Variants in GRK5 observed in about 807,000 individuals in gnomAD.
GRK5 encodes G protein-coupled receptor kinase 5.
A neutral mutation model predicts 78.4 loss-of-function variants in GRK5; 40 were observed. The ratio of observed to expected loss-of-function variants is 0.51; its 90% CI spans 0.40 to 0.66. The LOEUF (loss-of-function observed/expected upper bound fraction) is 0.66, where lower values mean the gene tolerates loss of function less well. Ranked by LOEUF, GRK5 falls within the 30% of genes least tolerant of loss-of-function variation. The pLI, the probability that GRK5 is intolerant of heterozygous loss-of-function variation, is 0.00. For missense variants in GRK5, 598 were observed against 759.9 expected, an observed-to-expected ratio of 0.79 and a Z score of 2.50; for synonymous variants, 289 against 296.8, an observed-to-expected ratio of 0.97 and a Z score of 0.27.
intron 9 of GRK5, among the ~76,000 whole-genome samples, chr10:119,438,633 T>G (rs1265373026): frequency 1.3e-5 from 2 of 152,158 alleles, no homozygotes; most frequent in Non-Finnish European, 1.5e-5. Flanking sequence ...CCAGCTCGTC[T>G]TCTTCCGGGG....
At position 119,431,441 on chromosome 10, in the gene GRK5, GAGA is replaced by G. The variant is rs1229097798; in HGVS notation, c.659_661del (p.Lys220del). 2 of 1,613,948 alleles carry G rather than the reference GAGA, an allele frequency of 1.2e-6. No homozygotes were observed. Among genetic ancestry groups the G allele is most frequent in the Non-Finnish European group, 8.5e-7 (1 of 1,179,964 alleles). On this transcript the variant is annotated inframe_deletion, in exon 8 of 16. Coordinates refer to ENST00000392870, the MANE Select transcript of GRK5 (RefSeq NM_005308.3). This position sits in a 1 kb window ranked among gnomAD's most constrained non-coding sequence, Gnocchi z 4.8. ...TAAAATGTATGCCTGCAAGCGCTTGGAGAAGAAGAGGATCAAAAAGAGGAAAGG... is the reference window on the plus strand; with the variant it reads ...TAAAATGTATGCCTGCAAGCGCTTGGAGAAGAGGATCAAAAAGAGGAAAGG...
Position 119,207,891 on chromosome 10 carries a change from G to T in GRK5, c.-27G>T, listed in dbSNP as rs961546492. 1 of 1,587,060 alleles carries T rather than the reference G, an allele frequency of 6.3e-7. No homozygotes were observed. The highest frequency in any genetic ancestry group is 8.6e-7 in the Non-Finnish European group (1 of 1,169,048). On this transcript the variant is annotated 5_prime_UTR_variant, in exon 1 of 16. Transcript: ENST00000392870. ...CCAGGCGCTGACAGCCCCGCCGGCC[G>T]GCTCCGTTGCTGACCGCCGACTGTC...
At chr10:119,318,913 A>G (rs1411321698) in intron 1 of GRK5, among the ~76,000 whole-genome samples, 2 of 152,034 alleles carry the variant, frequency 1.3e-5, no homozygotes, top group Non-Finnish European at 2.9e-5. Context: ...TTTGGGTGGA[A>G]TGATACCGTT....
At chr10:119,337,324 G>A (rs10787955) in intron 2 of GRK5, among the ~76,000 whole-genome samples, 113,571 of 151,968 alleles carry the variant, frequency 0.75, 44,778 homozygotes, top group Middle Eastern at 0.87. Flanking sequence ...CCCCTACTGC[G>A]TTAGTTTTTC....
intron 3 of GRK5, among the ~76,000 whole-genome samples, chr10:119,393,462 A>C (rs1008281856): frequency 6.6e-6 from 1 of 152,238 alleles, no homozygotes; most frequent in Non-Finnish European, 1.5e-5. Context: ...CATTTGGTTA[A>C]ATAGAGCCAC....
chr10:119,223,479 G>A (rs1848688690), intron 1 of GRK5, among the ~76,000 whole-genome samples: 1 of 151,978 alleles, frequency 6.6e-6, no homozygotes, highest in Non-Finnish European at 1.5e-5. Context: ...ACCAGGCGTG[G>A]GAACTGCTGC....
chr10:119,345,037 C>G lies in GRK5; in HGVS notation c.148+18426C>G, dbSNP rs553872756. On this transcript the variant is annotated intron_variant, in intron 2 of 15. Coordinates refer to ENST00000392870, the MANE Select transcript of GRK5 (RefSeq NM_005308.3). ...AGGCTGGAGTGCAGTGGCGCCATCT[C>G]GGCTCACTGCAACCTCCACCTCCTG... Among the ~76,000 whole-genome samples, 97 of 150,906 alleles carry G rather than the reference C, an allele frequency of 6.4e-4. 2 individuals carry two copies. Among genetic ancestry groups the G allele is most frequent in the African/African-American group, 2.3e-3 (95 of 41,162 alleles).
At chr10:119,325,062 C>T (rs115460523) in intron 1 of GRK5, among the ~76,000 whole-genome samples, 2,060 of 152,328 alleles carry the variant, frequency 0.014, 30 homozygotes, top group African/African-American at 0.039. Context: ...AGCACTCTCT[C>T]CTGCTTCCTG....
chr10:119,215,675 CCT>C (rs981521700), intron 1 of GRK5, among the ~76,000 whole-genome samples: 1 of 151,996 alleles, frequency 6.6e-6, no homozygotes, highest in African/African-American at 2.4e-5. Flanking sequence ...TCCCCCACCC[CCT>C]TTTTCAATAT....
chr10:119,439,413 T>C (rs1046077262), intron 9 of GRK5, among the ~76,000 whole-genome samples: 1 of 152,234 alleles, frequency 6.6e-6, no homozygotes, highest in Non-Finnish European at 1.5e-5. Context: ...CAGGGTCTTC[T>C]CAGCCTTGGA....
chr10:119,307,694 T>C (rs1850294954), intron 1 of GRK5, among the ~76,000 whole-genome samples: 1 of 152,152 alleles, frequency 6.6e-6, no homozygotes, highest in Non-Finnish European at 1.5e-5. Flanking sequence ...TCTATAGCAC[T>C]CCATTTGTGC....
chr10:119,209,597 A>G (rs1848452168), intron 1 of GRK5, among the ~76,000 whole-genome samples: 1 of 141,722 alleles, frequency 7.1e-6, no homozygotes, highest in African/African-American at 2.6e-5. Context: ...CCTGAAAGGG[A>G]GGAAGCAGAG....
chr10:119,214,253 G>A (rs897445011), intron 1 of GRK5, among the ~76,000 whole-genome samples: 1 of 152,174 alleles, frequency 6.6e-6, no homozygotes, highest in Non-Finnish European at 1.5e-5. Context: ...GGGATTACAG[G>A]CATGAGCCAC....
intron 6 of GRK5, among the ~76,000 whole-genome samples, chr10:119,426,544 T>C (rs1852680011): frequency 6.6e-6 from 1 of 152,214 alleles, no homozygotes; most frequent in Admixed American, 6.5e-5. Context: ...GTGCCTGCAT[T>C]GTGGGCTTGG....
chr10:119,286,733 T>C (rs900501331), intron 1 of GRK5, among the ~76,000 whole-genome samples: 1 of 152,246 alleles, frequency 6.6e-6, no homozygotes, highest in African/African-American at 2.4e-5. Flanking sequence ...AGCGGTCACT[T>C]TGGGGCTGGT....
At chr10:119,423,105 A>T (rs1852602277) in intron 4 of GRK5, 61 bp from the exon 5 acceptor site, 1 of 1,177,176 alleles carries the variant, frequency 8.5e-7, no homozygotes, top group African/African-American at 1.5e-5. Flanking sequence ...ACCTGTGGGC[A>T]AACCCGGCCG....
intron 1 of GRK5, among the ~76,000 whole-genome samples, chr10:119,263,522 G>T (rs1849444676): frequency 6.6e-6 from 1 of 152,180 alleles, no homozygotes; most frequent in South Asian, 2.1e-4. Flanking sequence ...TGGCTTTTCT[G>T]AGTTAAATGT....
At chr10:119,338,608 A>G (rs1850933279) in intron 2 of GRK5, among the ~76,000 whole-genome samples, 1 of 152,138 alleles carries the variant, frequency 6.6e-6, no homozygotes, top group Non-Finnish European at 1.5e-5. Flanking sequence ...TGGTGGATAC[A>G]TCAGTGAGCA....
At chr10:119,310,211 A>G (rs1489310246) in intron 1 of GRK5, among the ~76,000 whole-genome samples, 1 of 152,172 alleles carries the variant, frequency 6.6e-6, no homozygotes, top group Non-Finnish European at 1.5e-5. Flanking sequence ...GAAAATGCAA[A>G]TATTTTTATG....
Sources: gnomAD v4.1 joint callset for allele counts (sites outside exome capture counted in the v4.1 genomes callset) on GRCh38, gnomAD v4.1.1 for gene constraint, Gnocchi (gnomAD v3.1) non-coding constraint, MANE v1.5 for transcripts, NCBI Gene and HGNC (gene_info 2026-07-23, HGNC 2026-07-21) for gene names.